Variants in LINGO2 observed in about 807,000 individuals in gnomAD.
The protein encoded by LINGO2 is leucine-rich repeat and immunoglobulin-like domain-containing nogo receptor-interacting protein 2.
A neutral mutation model predicts 30.6 loss-of-function variants in LINGO2; 14 were observed. The observed-to-expected ratio is 0.46, with a 90% CI of 0.30 to 0.72. The LOEUF is 0.72. Among genes scored for constraint, LINGO2 ranks in the 30% least tolerant of loss-of-function variants. The pLI, the probability that LINGO2 is intolerant of heterozygous loss-of-function variation, is 0.07. For synonymous variants in LINGO2, 317 were observed against 288.5 expected, an observed-to-expected ratio of 1.10 and a Z score of -1.00; for missense variants, 729 against 751.7, an observed-to-expected ratio of 0.97 and a Z score of 0.35.
At chr9:28,088,657 A>G (rs1034531548) in intron 4 of LINGO2, among the ~76,000 whole-genome samples, 2 of 152,194 alleles carry the variant, frequency 1.3e-5, no homozygotes, top group African/African-American at 4.8e-5. Flanking sequence ...TGTATCAACT[A>G]AAGAGCAAAA....
the LINGO2 span, among the ~76,000 whole-genome samples, chr9:28,981,060 T>C: frequency 6.6e-6 from 1 of 152,104 alleles, no homozygotes; most frequent in Non-Finnish European, 1.5e-5. Context: ...CTAATGACCA[T>C]AATCAACACT....
chr9:28,149,492 C>T lies in LINGO2; in HGVS notation c.-86-137087G>A, dbSNP rs529591610. Among the ~76,000 whole-genome samples the T allele has an allele frequency of 3.3e-4, 49 of 150,110 alleles. 1 individual carries two copies. Among genetic ancestry groups the T allele is most frequent in the South Asian group, 1.5e-3 (7 of 4,690 alleles). On this transcript the variant is annotated intron_variant, in intron 4 of 5. Coordinates refer to ENST00000379992, the Ensembl canonical transcript of LINGO2. ...CCCGCCCTCTCTGGGAAGTGACGAGCGCCTCTGCCCAGCCGCCTCACAGTC... is the reference window on the plus strand; with the variant it reads ...CCCGCCCTCTCTGGGAAGTGACGAGTGCCTCTGCCCAGCCGCCTCACAGTC...
the LINGO2 span, among the ~76,000 whole-genome samples, chr9:29,143,015 C>T: frequency 2.0e-5 from 3 of 151,210 alleles, no homozygotes; most frequent in Non-Finnish European, 3.0e-5. Context: ...TAATCCAAAA[C>T]GTAAATTAAG....
rs570699936 is a variant in LINGO2, at chr9:28,655,676, G to A, written c.-365+14524C>T. ...GGGCAGTTTCCTCCATCCTGTTCTC[G>A]TGATAGTGAGTTAGTTCTCATGAGA... On this transcript the variant is annotated intron_variant, in intron 1 of 5. Transcript: ENST00000379992. Among the ~76,000 whole-genome samples the A allele has an allele frequency of 8.4e-4, 128 of 151,936 alleles. 1 individual carries two copies. Among genetic ancestry groups the A allele is most frequent in the Non-Finnish European group, 1.4e-3 (94 of 67,978 alleles).
intron 2 of LINGO2, among the ~76,000 whole-genome samples, chr9:28,383,434 G>T (rs1821440069): frequency 6.6e-6 from 1 of 151,998 alleles, no homozygotes; most frequent in South Asian, 2.1e-4. Context: ...TCACATTGGA[G>T]GAAGGTTTCC....
At chr9:28,472,579 A>G (rs1032852587) in intron 2 of LINGO2, among the ~76,000 whole-genome samples, 1 of 152,122 alleles carries the variant, frequency 6.6e-6, no homozygotes, top group Non-Finnish European at 1.5e-5. Flanking sequence ...GACCACAGCA[A>G]ATATTTAGAT....
chr9:28,876,803 C>G, the LINGO2 span, among the ~76,000 whole-genome samples: 48 of 152,182 alleles, frequency 3.2e-4, no homozygotes, highest in South Asian at 7.9e-3. Flanking sequence ...AATTCTAGTT[C>G]TAGATCCCTG....
At chr9:28,318,269 A>C (rs10968503) in intron 3 of LINGO2, among the ~76,000 whole-genome samples, 3 of 152,154 alleles carry the variant, frequency 2.0e-5, no homozygotes, top group African/African-American at 4.8e-5. Context: ...ACAACTCCTC[A>C]TTGTAAATTA....
At chr9:28,233,153 G>C (rs1432636345) in intron 4 of LINGO2, among the ~76,000 whole-genome samples, 2 of 149,794 alleles carry the variant, frequency 1.3e-5, no homozygotes, top group Non-Finnish European at 3.0e-5. Context: ...GTGTGTGTGT[G>C]TGCGTATCTG....
the LINGO2 span, among the ~76,000 whole-genome samples, chr9:28,697,977 G>C: frequency 7.5e-4 from 114 of 152,110 alleles, no homozygotes; most frequent in African/African-American, 2.7e-3. Flanking sequence ...ATCAGGTAAG[G>C]CTTAATTCAT....
intron 4 of LINGO2, among the ~76,000 whole-genome samples, chr9:28,264,548 T>C (rs1162491543): frequency 6.6e-6 from 1 of 151,954 alleles, no homozygotes; most frequent in African/African-American, 2.4e-5. Flanking sequence ...CAGCCCATGT[T>C]TGCATGTCAT....
intron 1 of LINGO2, among the ~76,000 whole-genome samples, chr9:28,509,550 A>C (rs371350173): frequency 3.7e-4 from 57 of 152,304 alleles, no homozygotes; most frequent in African/African-American, 1.3e-3. Context: ...CCCCTATCAA[A>C]ATTTGTATGT....
intron 4 of LINGO2, among the ~76,000 whole-genome samples, chr9:28,146,139 A>C (rs1827806267): frequency 6.6e-6 from 1 of 152,204 alleles, no homozygotes; most frequent in Non-Finnish European, 1.5e-5. Context: ...CACAGCCCTC[A>C]TTCGTTATGA....
the LINGO2 span, among the ~76,000 whole-genome samples, chr9:29,187,439 T>C: frequency 6.6e-6 from 1 of 152,200 alleles, no homozygotes; most frequent in Non-Finnish European, 1.5e-5. Context: ...AAGCATACTA[T>C]TTATATTCAA....
chr9:28,638,344 A>G (rs1019134384), intron 1 of LINGO2, among the ~76,000 whole-genome samples: 1 of 152,192 alleles, frequency 6.6e-6, no homozygotes, highest in Non-Finnish European at 1.5e-5. Context: ...AAAATGAGTT[A>G]GGGAGGTTTC....
At chr9:28,005,265 A>G (rs1282986384) in intron 5 of LINGO2, among the ~76,000 whole-genome samples, 2 of 152,178 alleles carry the variant, frequency 1.3e-5, no homozygotes, top group Non-Finnish European at 2.9e-5. Context: ...CCCACCATGG[A>G]CACTTTAGAA....
the LINGO2 span, chr9:27,940,606 G>A: frequency 6.6e-6 from 1 of 152,268 alleles, no homozygotes; most frequent in Non-Finnish European, 1.5e-5. Flanking sequence ...AAGGGAGTCG[G>A]TAGAAACTCC....
the LINGO2 span, among the ~76,000 whole-genome samples, chr9:29,196,602 G>A: frequency 1.9e-4 from 29 of 151,982 alleles, no homozygotes; most frequent in African/African-American, 6.5e-4. Context: ...AGTGAAGGTT[G>A]AGCACTCTTA....
chr9:28,218,221 A>G (rs1473532870), intron 4 of LINGO2, among the ~76,000 whole-genome samples: 2 of 151,090 alleles, frequency 1.3e-5, no homozygotes, highest in African/African-American at 2.4e-5. Context: ...TAATATAGTA[A>G]TACAATAACT....
Sources: gnomAD v4.1 joint callset for allele counts (sites outside exome capture counted in the v4.1 genomes callset) on GRCh38, gnomAD v4.1.1 for gene constraint, MANE v1.5 for transcripts, NCBI Gene and HGNC (gene_info 2026-07-23, HGNC 2026-07-21) for gene names.